The following GPC3 variants were observed in gnomAD, a reference collection of about 807,000 sequenced individuals.
GPC3 encodes glypican 3, also known as glypican-3.
GPC3 carries 3 observed loss-of-function variants against 34.4 expected under a neutral mutation model. That is an observed-to-expected ratio of 0.09 (90% confidence interval 0.04 to 0.23). The LOEUF is 0.23. Ranked by LOEUF, GPC3 falls within the 10% of genes least tolerant of loss-of-function variation. The pLI is 1.00. For missense variants in GPC3, 351 were observed against 445.6 expected (o/e 0.79, Z 1.91); for synonymous variants, 177 against 174.0 (o/e 1.02, Z -0.13).
At chrX:133,976,273 T>C (rs1158446401) in intron 1 of GPC3, among the ~76,000 whole-genome samples, 1 of 111,969 alleles carries the variant, frequency 8.9e-6, no homozygotes, top group Non-Finnish European at 1.9e-5. Flanking sequence ...TGTGTGTGTA[T>C]GTGTGCTGGA....
chrX:133,830,036 T>C (rs758387255), intron 2 of GPC3, among the ~76,000 whole-genome samples: 1 of 112,109 alleles, frequency 8.9e-6, no homozygotes, highest in African/African-American at 3.2e-5. Context: ...CTAAAATTCC[T>C]GTGGAAATCC....
chrX:133,710,690 A>G (rs948763763), intron 3 of GPC3, among the ~76,000 whole-genome samples: 1 of 112,076 alleles, frequency 8.9e-6, no homozygotes, highest in Admixed American at 9.5e-5. Context: ...GTGGTACGTG[A>G]CTTTGGCTGT....
intron 3 of GPC3, among the ~76,000 whole-genome samples, chrX:133,729,938 C>T (rs990993446): frequency 8.9e-6 from 1 of 112,307 alleles, no homozygotes; most frequent in African/African-American, 3.2e-5. Context: ...AGTGCTTTCA[C>T]AAGATTGTCT....
intron 7 of GPC3, among the ~76,000 whole-genome samples, chrX:133,549,557 G>A (rs1197330447): frequency 1.8e-5 from 2 of 109,865 alleles, no homozygotes; most frequent in African/African-American, 6.7e-5. Context: ...AAAATGCCAA[G>A]CACTCTGGAG....
intron 3 of GPC3, chrX:133,704,290 A>AG: frequency 1.0e-6 from 1 of 991,615 alleles, no homozygotes. Context: ...AAAAAAAAAA[A>AG]GGTGAAAATT....
At chrX:133,817,075 C>T (rs771197648) in intron 2 of GPC3, among the ~76,000 whole-genome samples, 3 of 111,786 alleles carry the variant, frequency 2.7e-5, no homozygotes, top group Non-Finnish European at 5.6e-5. Context: ...TATCACCTCG[C>T]TGCAAACTGG....
chrX:133,902,754 T>C (rs991001114), intron 2 of GPC3, among the ~76,000 whole-genome samples: 8 of 111,588 alleles, frequency 7.2e-5, no homozygotes, highest in Admixed American at 3.8e-4. Context: ...AATTTTAGGA[T>C]ATGTAAAACA....
chrX:133,593,711 T>C (rs2069878779), intron 7 of GPC3, among the ~76,000 whole-genome samples: 1 of 111,460 alleles, frequency 9.0e-6, no homozygotes, highest in Admixed American at 9.6e-5. Context: ...CCTAAGGCTC[T>C]CAATACTCCT....
chrX:133,809,021 A>G (rs1436910663), intron 2 of GPC3, among the ~76,000 whole-genome samples: 4 of 112,219 alleles, frequency 3.6e-5, no homozygotes, highest in Non-Finnish European at 7.5e-5. Flanking sequence ...TATCCTTGTT[A>G]TAAGATCAAC....
At chrX:133,945,948 C>T (rs754950014) in intron 2 of GPC3, among the ~76,000 whole-genome samples, 2 of 111,297 alleles carry the variant, frequency 1.8e-5, no homozygotes, top group Non-Finnish European at 3.8e-5. Flanking sequence ...AAACCTGGAT[C>T]CACCTCTACT....
chrX:133,892,199 T>C (rs1441655397), intron 2 of GPC3, among the ~76,000 whole-genome samples: 4 of 111,929 alleles, frequency 3.6e-5, no homozygotes, highest in Non-Finnish European at 5.6e-5. Flanking sequence ...TCCAACTTCC[T>C]TCTGCTGTCT....
At chrX:133,698,320 T>C (rs987932722) in intron 4 of GPC3, among the ~76,000 whole-genome samples, 5 of 112,094 alleles carry the variant, frequency 4.5e-5, no homozygotes, top group Non-Finnish European at 9.4e-5. Context: ...GTTTTAAATC[T>C]ATGACAGATA....
At chrX:133,786,124 G>A (rs753922376) in intron 2 of GPC3, among the ~76,000 whole-genome samples, 1 of 112,735 alleles carries the variant, frequency 8.9e-6, no homozygotes, top group African/African-American at 3.2e-5. Context: ...TGGGTGCAGT[G>A]GCTCACGCCT....
chrX:133,615,031 A>C (rs1217455663), intron 6 of GPC3, among the ~76,000 whole-genome samples: 1 of 112,407 alleles, frequency 8.9e-6, no homozygotes, highest in Non-Finnish European at 1.9e-5. Flanking sequence ...ATCTATAACA[A>C]GTAAAATAAT....
intron 6 of GPC3, among the ~76,000 whole-genome samples, chrX:133,603,477 A>G (rs1277589384): frequency 8.9e-6 from 1 of 111,910 alleles, no homozygotes; most frequent in Non-Finnish European, 1.9e-5. Context: ...GACAAGAGCC[A>G]CCAGAGCACC....
Position 133,985,466 on chromosome X carries a change from C to G in GPC3, c.-17G>C. On this transcript the variant is annotated 5_prime_UTR_variant, in exon 1 of 8. Coordinates refer to ENST00000370818, the MANE Select transcript of GPC3 (RefSeq NM_004484.4). ...CCCGGCCATCCTGCTTCGCAGGGAG[C>G]TAGGAGAGCGCGGGAGAGTGGCAGC... 2 of 1,163,818 alleles carry G rather than the reference C, an allele frequency of 1.7e-6. No individual in the cohort carries two copies. The highest frequency in any genetic ancestry group is 2.3e-6 in the Non-Finnish European group (2 of 870,827).
intron 2 of GPC3, among the ~76,000 whole-genome samples, 171 bp downstream of exon 2, chrX:133,952,879 A>C (rs1779421183): frequency 8.9e-6 from 1 of 112,596 alleles, no homozygotes; most frequent in Non-Finnish European, 1.9e-5. Flanking sequence ...ATTGAAATGA[A>C]GCTTCTCTGA....
intron 6 of GPC3, among the ~76,000 whole-genome samples, chrX:133,649,344 T>G (rs1351016082): frequency 3.6e-5 from 4 of 110,585 alleles, no homozygotes; most frequent in Non-Finnish European, 7.5e-5. Context: ...AAAGGAGCCA[T>G]AGAAGTAATC....
rs1569445704 is a variant in GPC3 at position 133,855,549 on chromosome X, A to ATATATATATATATATATATATATATAT, written c.337+97500_337+97501insATATATATATATATATATATATATATA. On this transcript the variant is annotated intron_variant, in intron 2 of 7. Transcript: ENST00000370818. ...TTACAAGATATATATATATATATATAGTAAAATGGTCCCTATAGTGGAACA... is the reference window on the plus strand; with the variant it reads ...TTACAAGATATATATATATATATATATATATATATATATATATATATATATATGTAAAATGGTCCCTATAGTGGAACA... Among the ~76,000 whole-genome samples, 22 of 105,892 alleles carry ATATATATATATATATATATATATATAT rather than the reference A, an allele frequency of 2.1e-4. 1 individual carries two copies. Among genetic ancestry groups the ATATATATATATATATATATATATATAT allele is most frequent in the Non-Finnish European group, 3.7e-4 (19 of 51,341 alleles). The allele number at this position is 105,892 out of a possible 115,157, so 92.0% of individuals were successfully genotyped here.
Sources: allele counts gnomAD v4.1 joint callset (sites outside exome capture counted in the v4.1 genomes callset), GRCh38; gene constraint gnomAD v4.1.1; transcripts MANE v1.5; gene names NCBI Gene and HGNC (gene_info 2026-07-23, HGNC 2026-07-21).